CFAP61: variants seen among roughly 807,000 people sequenced by gnomAD.
CFAP61 encodes the protein cilia and flagella associated protein 61.
Under a neutral mutation model 135.6 loss-of-function variants are expected in CFAP61, and 107 were observed. That is an observed-to-expected ratio of 0.79 (90% confidence interval 0.67 to 0.93). The LOEUF is 0.93. CFAP61 is among the 40% of genes least tolerant of loss of function. The pLI is 0.00. For missense variants in CFAP61, 1,507 were observed against 1,556.2 expected, an observed-to-expected ratio of 0.97 and a Z score of 0.53; for synonymous variants, 575 against 578.5, an observed-to-expected ratio of 0.99 and a Z score of 0.09.
intron 1 of CFAP61, among the ~76,000 whole-genome samples, 169 bp from the exon 2 acceptor site, chr20:20,056,449 G>A (rs1310714464): frequency 6.6e-6 from 1 of 152,204 alleles, no homozygotes; most frequent in Non-Finnish European, 1.5e-5. Context: ...ATTCTCCTAT[G>A]GAGGAACGTC....
At chr20:20,193,554 G>T (rs2056071216) in intron 15 of CFAP61, among the ~76,000 whole-genome samples, 1 of 151,874 alleles carries the variant, frequency 6.6e-6, no homozygotes, top group Non-Finnish European at 1.5e-5. Flanking sequence ...GTTTTCATTG[G>T]TCCTCATACT....
intron 14 of CFAP61, among the ~76,000 whole-genome samples, chr20:20,189,252 A>T (rs1472809139): frequency 2.2e-5 from 3 of 137,138 alleles, no homozygotes; most frequent in Non-Finnish European, 4.9e-5. Flanking sequence ...CCTTCAGCAC[A>T]TGGTTTGCTT....
intron 1 of CFAP61, chr20:20,055,881 AAG>A: frequency 1.6e-6 from 2 of 1,222,656 alleles, no homozygotes; most frequent in Non-Finnish European, 2.4e-6. Flanking sequence ...AAGGGAGGGA[AAG>A]AGAGAAGAGA....
At chr20:20,223,084 A>G (rs2048507137) in intron 17 of CFAP61, among the ~76,000 whole-genome samples, 1 of 152,194 alleles carries the variant, frequency 6.6e-6, no homozygotes, top group South Asian at 2.1e-4. Context: ...TGTGAGCTGA[A>G]AATTGAGCTC....
At chr20:20,345,944 G>T (rs1263064419) in intron 26 of CFAP61, among the ~76,000 whole-genome samples, 7 of 121,378 alleles carry the variant, frequency 5.8e-5, no homozygotes, top group Admixed American at 1.0e-4. Context: ...GCCCAGGCCG[G>T]ACTGCGGACT....
intron 8 of CFAP61, among the ~76,000 whole-genome samples, chr20:20,142,314 G>A (rs542096812): frequency 1.1e-4 from 17 of 152,290 alleles, no homozygotes; most frequent in East Asian, 5.8e-4. Flanking sequence ...CATTGTGACC[G>A]CTGGCAGAGC....
chr20:20,074,037 C>G, intron 3 of CFAP61: 1 of 473,122 alleles, frequency 2.1e-6, no homozygotes, highest in Non-Finnish European at 3.8e-6. Context: ...TTCGTGAGGG[C>G]AGGAGGAAGG....
intron 18 of CFAP61, among the ~76,000 whole-genome samples, chr20:20,239,207 G>A (rs1601566300): frequency 6.6e-6 from 1 of 152,068 alleles, no homozygotes; most frequent in African/African-American, 2.4e-5. Context: ...TTAGACTTAT[G>A]TATTATAAAC....
At chr20:20,090,730 A>T in intron 6 of CFAP61, 114 bp from the exon 7 acceptor site, 1 of 844,158 alleles carries the variant, frequency 1.2e-6, no homozygotes, top group Non-Finnish European at 1.9e-6. Context: ...AGTTGATATC[A>T]TGAGTGTTGC....
At chr20:20,190,801 A>G (rs1367116944) in intron 14 of CFAP61, among the ~76,000 whole-genome samples, 1 of 152,186 alleles carries the variant, frequency 6.6e-6, no homozygotes, top group African/African-American at 2.4e-5. Context: ...TTGATGAAGC[A>G]GTAAAATTAT....
At position 20,290,396 on chromosome 20, in the gene CFAP61, G is replaced by T; in HGVS notation, c.3216+5G>T. On this transcript the variant is annotated splice_donor_5th_base_variant and intron_variant, in intron 24 of 26. Coordinates refer to ENST00000245957, the MANE Select transcript of CFAP61 (RefSeq NM_015585.4). Reference sequence around the variant, plus strand: ...CAAATGGCACAGCCTAATTATGTAAGTATTATTTCTGAATTTCATTTTACT... The same window carrying T: ...CAAATGGCACAGCCTAATTATGTAATTATTATTTCTGAATTTCATTTTACT... 3 of 1,563,136 alleles carry T rather than the reference G, an allele frequency of 1.9e-6. No homozygotes were observed. The highest frequency in any genetic ancestry group is 2.6e-6 in the Non-Finnish European group (3 of 1,134,368).
intron 7 of CFAP61, among the ~76,000 whole-genome samples, chr20:20,097,096 ATTTTTT>A (rs3060424): frequency 6.1e-5 from 9 of 147,332 alleles, no homozygotes; most frequent in Admixed American, 6.7e-5. Context: ...TTTAATACCT[ATTTTTT>A]TTTTTTTTTT....
chr20:20,132,922 T>A (rs542747386), intron 8 of CFAP61, among the ~76,000 whole-genome samples: 1 of 152,300 alleles, frequency 6.6e-6, no homozygotes, highest in Non-Finnish European at 1.5e-5. Flanking sequence ...TTGAGTTTGG[T>A]AGGCTTTGTT....
chr20:20,265,401 C>T (rs760738909), intron 21 of CFAP61: 1 of 779,778 alleles, frequency 1.3e-6, no homozygotes, highest in Non-Finnish European at 2.4e-6. Flanking sequence ...TTGTATTGTC[C>T]TCTTGGTTCT....
At chr20:20,140,796 A>G (rs1240331688) in intron 8 of CFAP61, among the ~76,000 whole-genome samples, 1 of 152,140 alleles carries the variant, frequency 6.6e-6, no homozygotes, top group Admixed American at 6.5e-5. Context: ...CACAATAGCA[A>G]AGACTTGGAA....
chr20:20,125,550 T>C (rs2050001502), intron 8 of CFAP61, among the ~76,000 whole-genome samples: 1 of 151,856 alleles, frequency 6.6e-6, no homozygotes, highest in Non-Finnish European at 1.5e-5. Context: ...TGGAATTGAT[T>C]TACAGTTTTA....
chr20:20,052,620 A>G, intron 1 of CFAP61, 29 bp downstream of exon 1: 3 of 1,613,700 alleles, frequency 1.9e-6, no homozygotes, highest in Non-Finnish European at 2.5e-6. Flanking sequence ...ACTAGCAGCG[A>G]CGCAAGGACT....
chr20:20,162,391 T>TA (rs1275802752), intron 10 of CFAP61, among the ~76,000 whole-genome samples: 2 of 152,148 alleles, frequency 1.3e-5, no homozygotes, highest in Non-Finnish European at 2.9e-5. Context: ...TTGGAGAACT[T>TA]AAGTCCCAAA....
intron 8 of CFAP61, among the ~76,000 whole-genome samples, chr20:20,105,612 A>C (rs2048327230): frequency 6.6e-6 from 1 of 151,926 alleles, no homozygotes. Context: ...TATACTTGTT[A>C]AAATTTGAAT....
Sources: allele counts gnomAD v4.1 joint callset (sites outside exome capture counted in the v4.1 genomes callset), GRCh38; gene constraint gnomAD v4.1.1; transcripts MANE v1.5; gene names NCBI Gene and HGNC (gene_info 2026-07-23, HGNC 2026-07-21).